Variants in ZNF160 observed in about 807,000 individuals in gnomAD.
ZNF160 encodes zinc finger protein 160.
ZNF160 carries 9 observed loss-of-function variants against 13.1 expected under a neutral mutation model. The ratio of observed to expected loss-of-function variants is 0.69; its 90% CI spans 0.41 to 1.20. ZNF160 has a LOEUF of 1.20. Among genes scored for constraint, ZNF160 ranks in the 50% most tolerant of loss-of-function variants. The probability of loss-of-function intolerance (pLI) is 0.01; values close to 1 mark genes in which losing one functional copy is unlikely to be tolerated. For missense variants in ZNF160, 838 were observed against 988.0 expected (o/e 0.85, Z 2.04); for synonymous variants, 293 against 333.2 (o/e 0.88, Z 1.31).
chr19:53,091,149 G>A (rs1447163432), intron 2 of ZNF160: 1 of 152,148 alleles, frequency 6.6e-6, no homozygotes, highest in African/African-American at 2.4e-5. Context: ...ACAAATTCGA[G>A]ACCAGCTCAG....
intron 3 of ZNF160, among the ~76,000 whole-genome samples, chr19:53,082,052 G>A (rs2084652353): frequency 6.6e-6 from 1 of 152,156 alleles, no homozygotes; most frequent in African/African-American, 2.4e-5. Context: ...CACAATGGCA[G>A]CTAAACACTG....
rs542531471 is a variant in ZNF160, at chr19:53,080,428, T to C, written c.16-5245A>G. On this transcript the variant is annotated intron_variant, in intron 3 of 5. Transcript: ENST00000683776. ...CAGCAGTACTCTTAAACGCCAATAA[T>C]GTTCAAGCTGAGAAACACATCATCA... Among the ~76,000 whole-genome samples, 177 of 152,280 alleles carry C rather than the reference T, an allele frequency of 1.2e-3. 1 individual carries two copies. The highest frequency in any genetic ancestry group is 4.1e-3 in the African/African-American group (170 of 41,526).
intron 3 of ZNF160, chr19:53,084,858 T>A (rs535688466): frequency 6.6e-6 from 1 of 151,874 alleles, no homozygotes; most frequent in African/African-American, 2.4e-5. Flanking sequence ...AAATGTGCCA[T>A]CCTAGAAGAG....
At chr19:53,082,592 C>A (rs1385804856) in intron 3 of ZNF160, among the ~76,000 whole-genome samples, 2 of 152,194 alleles carry the variant, frequency 1.3e-5, no homozygotes, top group African/African-American at 2.4e-5. Context: ...ATCACTTGAG[C>A]CCCAGAGATC....
chr19:53,100,051 A>C (rs115105886), intron 1 of ZNF160, among the ~76,000 whole-genome samples: 310 of 152,286 alleles, frequency 2.0e-3, no homozygotes, highest in African/African-American at 7.2e-3. Context: ...AGAAAAACAC[A>C]ACATACTAAT....
chr19:53,100,382 G>A (rs370389282), intron 1 of ZNF160, among the ~76,000 whole-genome samples: 97 of 145,798 alleles, frequency 6.7e-4, no homozygotes, highest in African/African-American at 2.3e-3. Context: ...AGGCTGAGGC[G>A]GGTGGATCAC....
Position 53,068,330 on chromosome 19 carries a change from C to T in ZNF160, c.2204G>A (p.Cys735Tyr), listed in dbSNP as rs779241128. ...AGTAAAGACCTTGCCACATTCATTA[C>T]ATTTGTAAGGTTTTTTCCCAGTATG... ...AIHTGKKPYK[C>Y]NECGKVFTQN... The change falls in exon 6 of 6, where the codon TGT (cysteine) becomes TAT (tyrosine). Residue 735 changes from cysteine (C) to tyrosine (Y), a missense_variant. Cys to Tyr is a radical substitution (Grantham distance 194). This residue lies in a region of ZNF160 where 400 missense variants were observed against 538.9 expected (regional missense o/e 0.74). Transcript: ENST00000683776. The T allele has an allele frequency of 1.2e-6, 2 of 1,614,080 alleles. No individual in the cohort carries two copies. The highest frequency in any genetic ancestry group is 3.3e-5 in the Admixed American group (2 of 60,012).
At chr19:53,100,371 G>A (rs374283177) in intron 1 of ZNF160, among the ~76,000 whole-genome samples, 26 of 152,304 alleles carry the variant, frequency 1.7e-4, no homozygotes, top group African/African-American at 6.3e-4. Context: ...AGCACTTTGG[G>A]AGGCTGAGGC....
In ZNF160 at chr19:53,082,086, G is replaced by A. The variant is rs576728663; in HGVS notation, c.15+4176C>T. Among the ~76,000 whole-genome samples the A allele has an allele frequency of 1.9e-3, 296 of 152,206 alleles. 2 individuals carry two copies. Among genetic ancestry groups the A allele is most frequent in the African/African-American group, 6.5e-3 (272 of 41,534 alleles). On this transcript the variant is annotated intron_variant, in intron 3 of 5. Coordinates refer to ENST00000683776, the MANE Select transcript of ZNF160 (RefSeq NM_001322131.2). ...TGGGTGCACACAAACACAAAGATGAGAACAACAGACACTGGCGACTCCAAA... is the reference window on the plus strand; with the variant it reads ...TGGGTGCACACAAACACAAAGATGAAAACAACAGACACTGGCGACTCCAAA...
At chr19:53,088,445 GAA>G (rs60402033) in intron 2 of ZNF160, among the ~76,000 whole-genome samples, 38,012 of 151,604 alleles carry the variant, frequency 0.25, 5,129 homozygotes, top group South Asian at 0.34. Flanking sequence ...GGTTGAGGTG[GAA>G]AGACTACTTG....
chr19:53,074,927 G>C, intron 4 of ZNF160, 130 bp downstream of exon 4: 1 of 1,236,326 alleles, frequency 8.1e-7, no homozygotes, highest in Non-Finnish European at 1.2e-6. Flanking sequence ...CCATGATTAA[G>C]CTTTCCATTT....
At chr19:53,075,262 T>C in intron 3 of ZNF160, 79 bp from the exon 4 acceptor site, 1 of 1,563,576 alleles carries the variant, frequency 6.4e-7, no homozygotes, top group African/African-American at 1.4e-5. Context: ...AGGAGAAAAA[T>C]GTGAGAATAG....
chr19:53,078,517 A>G (rs559680290), intron 3 of ZNF160, among the ~76,000 whole-genome samples: 7 of 152,224 alleles, frequency 4.6e-5, no homozygotes, highest in African/African-American at 1.7e-4. Flanking sequence ...GAGGCAGAAG[A>G]ATCAGCTGAA....
At chr19:53,083,382 ACT>A (rs2084707283) in intron 3 of ZNF160, among the ~76,000 whole-genome samples, 1 of 152,134 alleles carries the variant, frequency 6.6e-6, no homozygotes, top group Non-Finnish European at 1.5e-5. Flanking sequence ...CACTTAGGAA[ACT>A]CTATAGATTT....
At chr19:53,074,911 G>A (rs553527665) in intron 4 of ZNF160, 146 bp downstream of exon 4, 59 of 1,054,576 alleles carry the variant, frequency 5.6e-5, no homozygotes, top group Non-Finnish European at 8.0e-5. Context: ...TTAAAGTCCA[G>A]GTTTCCCATG....
intron 5 of ZNF160, chr19:53,073,380 G>C: frequency 1.3e-6 from 2 of 1,598,416 alleles, no homozygotes; most frequent in East Asian, 2.2e-5. Flanking sequence ...CCCCATGAAA[G>C]TGGCAAAAGC....
rs74376604 is a variant in ZNF160 at position 53,088,789 on chromosome 19, C to G, written c.-45-2468G>C. On this transcript the variant is annotated intron_variant, in intron 2 of 5. Coordinates refer to ENST00000683776, the MANE Select transcript of ZNF160 (RefSeq NM_001322131.2). ...ATGTGTGTCATTGTCCCCACAATGA[C>G]AGCTTCTCCAGCAGACTCCCAGGTA... 4.7e-3 allele frequency among the ~76,000 whole-genome samples: 722 copies of G among 152,242 alleles called. 7 individuals carry two copies. Among genetic ancestry groups the G allele is most frequent in the African/African-American group, 0.016 (684 of 41,540 alleles).
intron 1 of ZNF160, among the ~76,000 whole-genome samples, chr19:53,099,569 G>C (rs1461036651): frequency 3.9e-5 from 6 of 152,148 alleles, no homozygotes; most frequent in Non-Finnish European, 7.3e-5. Flanking sequence ...GCAGAGAAAG[G>C]CCTCCAAAGA....
chr19:53,088,793 T>C (rs1468629621), intron 2 of ZNF160, among the ~76,000 whole-genome samples: 1 of 152,132 alleles, frequency 6.6e-6, no homozygotes, highest in African/African-American at 2.4e-5. Context: ...CAATGACAGC[T>C]TCTCCAGCAG....
Sources: allele counts gnomAD v4.1 joint callset (sites outside exome capture counted in the v4.1 genomes callset), GRCh38; gene constraint gnomAD v4.1.1; regional missense constraint gnomAD v4.1.1; transcripts MANE v1.5; gene names NCBI Gene and HGNC (gene_info 2026-07-23, HGNC 2026-07-21).